Variants in MYOF observed in about 807,000 individuals in gnomAD.
MYOF encodes fer-1-like 3, myoferlin.
Under a neutral mutation model 284.2 loss-of-function variants are expected in MYOF, and 244 were observed. The observed-to-expected ratio is 0.86, with a 90% confidence interval of 0.77 to 0.95. The LOEUF is 0.95. MYOF is among the 40% of genes least tolerant of loss of function. MYOF has a pLI of 0.00. For synonymous variants in MYOF, 904 were observed against 919.7 expected, an observed-to-expected ratio of 0.98 and a Z score of 0.31; for missense variants, 2,496 against 2,560.6, an observed-to-expected ratio of 0.97 and a Z score of 0.54.
At chr10:93,402,501 T>G (rs1847344085) in intron 10 of MYOF, among the ~76,000 whole-genome samples, 154 bp from the exon 11 acceptor site, 1 of 152,130 alleles carries the variant, frequency 6.6e-6, no homozygotes, top group South Asian at 2.1e-4. Context: ...CGTCTTCTGT[T>G]TTGTACTCTC....
intron 13 of MYOF, among the ~76,000 whole-genome samples, chr10:93,397,930 CAGAT>C (rs1305279788): frequency 1.3e-5 from 2 of 152,116 alleles, no homozygotes; most frequent in Admixed American, 6.5e-5. Context: ...CGTCTTCAAG[CAGAT>C]CCTGGAATGT....
intron 5 of MYOF, among the ~76,000 whole-genome samples, chr10:93,415,330 T>A (rs1848072862): frequency 6.6e-6 from 1 of 152,156 alleles, no homozygotes; most frequent in African/African-American, 2.4e-5. Context: ...AGCACACACA[T>A]CTCACTGGAC....
intron 30 of MYOF, 79 bp downstream of exon 30, chr10:93,356,596 G>A: frequency 7.0e-7 from 1 of 1,432,162 alleles, no homozygotes; most frequent in South Asian, 1.4e-5. Context: ...GACCTCTATG[G>A]AGTTGGCAGT....
chr10:93,473,163 C>A (rs2134393541), intron 1 of MYOF, among the ~76,000 whole-genome samples: 1 of 152,280 alleles, frequency 6.6e-6, no homozygotes, highest in Non-Finnish European at 1.5e-5. Context: ...GAAGGGGGTT[C>A]TTTTAAGTGA....
intron 1 of MYOF, among the ~76,000 whole-genome samples, chr10:93,460,797 A>T (rs2056858420): frequency 1.4e-5 from 2 of 141,588 alleles, no homozygotes; most frequent in African/African-American, 5.7e-5. Flanking sequence ...AAAGAAAAAG[A>T]AAAAAAAAGT....
chr10:93,334,065 C>A, intron 41 of MYOF, 152 bp from the exon 42 acceptor site: 1 of 711,646 alleles, frequency 1.4e-6, no homozygotes, highest in Non-Finnish European at 2.2e-6. Context: ...TTGCATATTT[C>A]CAGTAGGGAA....
chr10:93,321,942 T>A (rs907629478), intron 48 of MYOF, among the ~76,000 whole-genome samples: 1 of 152,152 alleles, frequency 6.6e-6, no homozygotes, highest in Non-Finnish European at 1.5e-5. Context: ...TGAGCTTTAT[T>A]CTCTGATTAG....
rs776759508 is a variant in MYOF at position 93,351,657 on chromosome 10, C to G, written c.3663+8G>C. The G allele has an allele frequency of 1.1e-5, 18 of 1,587,892 alleles. No homozygotes were observed. The highest frequency in any genetic ancestry group is 1.3e-5 in the Non-Finnish European group (15 of 1,168,182). ...CCCAAGTTATCTTAGAAATTCTAAA[C>G]GACCTACCACTTGGTCATTGTCAAA... On this transcript the variant is annotated splice_region_variant and intron_variant, in intron 33 of 53. Transcript: ENST00000359263.
At chr10:93,367,101 C>T (rs929828001) in intron 25 of MYOF, among the ~76,000 whole-genome samples, 3 of 152,106 alleles carry the variant, frequency 2.0e-5, no homozygotes, top group Admixed American at 6.5e-5. Context: ...CCTTTAATAC[C>T]CAGCCCTTAT....
Position 93,350,159 on chromosome 10 carries a change from G to A in MYOF, c.3922-190C>T, listed in dbSNP as rs562147314. Among the ~76,000 whole-genome samples the A allele has an allele frequency of 2.0e-5, 3 of 152,198 alleles. No individual in the cohort carries two copies. The South Asian group carries it at 6.2e-4, about 32-fold the overall frequency. On this transcript the variant is annotated intron_variant, in intron 35 of 53. Coordinates refer to ENST00000359263, the MANE Select transcript of MYOF (RefSeq NM_013451.4). ...TTCTCCTGCCTGAGCCCCTAAAAAA[G>A]CAATGCAGTTAAGAGTATAGGAATC... is the stretch of plus-strand genomic sequence containing the variant.
chr10:93,472,388 C>A (rs1472145481), intron 1 of MYOF, among the ~76,000 whole-genome samples: 5 of 152,140 alleles, frequency 3.3e-5, no homozygotes, highest in African/African-American at 1.2e-4. Flanking sequence ...AATAAAATCC[C>A]AGCACTTTGG....
At chr10:93,406,570 C>A (rs200498601) in intron 7 of MYOF, among the ~76,000 whole-genome samples, 1 of 150,226 alleles carries the variant, frequency 6.7e-6, no homozygotes, top group African/African-American at 2.5e-5. Flanking sequence ...TCCTCCCCAC[C>A]CATCCAGTCT....
intron 21 of MYOF, among the ~76,000 whole-genome samples, chr10:93,377,930 C>T (rs1845913003): frequency 6.6e-6 from 1 of 152,112 alleles, no homozygotes; most frequent in African/African-American, 2.4e-5. Context: ...TTTATGAAGT[C>T]ATAGCTTTTA....
At chr10:93,396,057 G>T (rs933140475) in intron 16 of MYOF, 85 bp downstream of exon 16, 32 of 1,018,722 alleles carry the variant, frequency 3.1e-5, no homozygotes, top group Non-Finnish European at 4.2e-5. Context: ...AACCTACTGT[G>T]AGGTGGCTAC....
chr10:93,408,724 G>T, intron 7 of MYOF, 63 bp downstream of exon 7: 1 of 1,602,900 alleles, frequency 6.2e-7, no homozygotes, highest in Non-Finnish European at 8.5e-7. Flanking sequence ...CAGTGAAGCT[G>T]CTCCCGTGTT....
At chr10:93,316,881 C>A (rs1842635883) in intron 49 of MYOF, 68 bp from the exon 50 acceptor site, 7 of 1,329,214 alleles carry the variant, frequency 5.3e-6, no homozygotes, top group Non-Finnish European at 7.5e-6. Flanking sequence ...AAGACAGCAT[C>A]AAAGCCTGGG....
chr10:93,360,324 A>G (rs1845009188), intron 28 of MYOF, among the ~76,000 whole-genome samples: 1 of 152,260 alleles, frequency 6.6e-6, no homozygotes. Flanking sequence ...CCTGGGTTCA[A>G]ATCCTAGCAT....
intron 38 of MYOF, among the ~76,000 whole-genome samples, chr10:93,343,275 T>C (rs925992470): frequency 6.6e-6 from 1 of 151,940 alleles, no homozygotes; most frequent in African/African-American, 2.4e-5. Flanking sequence ...GGGCCTTGAG[T>C]GATTATTTCA....
intron 3 of MYOF, among the ~76,000 whole-genome samples, chr10:93,447,881 A>G (rs567528532): frequency 6.6e-6 from 1 of 152,284 alleles, no homozygotes; most frequent in South Asian, 2.1e-4. Context: ...ATGGTCTCCC[A>G]GTATTGTTTT....
Sources: allele counts gnomAD v4.1 joint callset (sites outside exome capture counted in the v4.1 genomes callset), GRCh38; gene constraint gnomAD v4.1.1; transcripts MANE v1.5; gene names NCBI Gene and HGNC (gene_info 2026-07-23, HGNC 2026-07-21).